Variants in RANBP2 observed in about 807,000 individuals in gnomAD.
The protein encoded by RANBP2 is E3 SUMO-protein ligase RanBP2.
A neutral mutation model predicts 303.6 loss-of-function variants in RANBP2; 57 were observed. The ratio of observed to expected loss-of-function variants is 0.19; its 90% CI spans 0.15 to 0.23. The LOEUF is 0.23. RANBP2 is among the 10% of genes least tolerant of loss of function. The pLI, the probability that RANBP2 is intolerant of heterozygous loss-of-function variation, is 1.00. For missense variants in RANBP2, 3,138 were observed against 3,780.8 expected, an observed-to-expected ratio of 0.83 and a Z score of 4.46; for synonymous variants, 1,167 against 1,301.5, an observed-to-expected ratio of 0.90 and a Z score of 2.23.
At chr2:108,811,245 C>CTTTTTTT in the RANBP2 span, among the ~76,000 whole-genome samples, 3,457 of 109,466 alleles carry the variant, frequency 0.032, 457 homozygotes, top group African/African-American at 0.11. Context: ...CTTTCTCTCT[C>CTTTTTTT]TCTTTTTTTT....
the RANBP2 span, among the ~76,000 whole-genome samples, chr2:108,809,434 A>G: frequency 6.8e-6 from 1 of 146,172 alleles, no homozygotes; most frequent in Non-Finnish European, 1.5e-5. Context: ...GTTCCAGTCC[A>G]TGAACATGAA....
At chr2:109,059,971 C>T in the RANBP2 span, among the ~76,000 whole-genome samples, 1 of 152,146 alleles carries the variant, frequency 6.6e-6, no homozygotes, top group Non-Finnish European at 1.5e-5. Flanking sequence ...CCCTTGAGCT[C>T]CCAGATTCTC....
the RANBP2 span, among the ~76,000 whole-genome samples, chr2:109,223,555 C>T: frequency 2.0e-5 from 3 of 151,720 alleles, no homozygotes; most frequent in Non-Finnish European, 2.9e-5. Flanking sequence ...GGTGTGGGCA[C>T]ATGCTTCAGC....
chr2:108,798,958 G>T, the RANBP2 span, among the ~76,000 whole-genome samples: 3 of 151,890 alleles, frequency 2.0e-5, no homozygotes, highest in African/African-American at 4.8e-5. Flanking sequence ...GACCATTAGC[G>T]CATATCAGGA....
the RANBP2 span, among the ~76,000 whole-genome samples, chr2:109,637,832 C>T: frequency 6.6e-6 from 1 of 152,154 alleles, no homozygotes; most frequent in South Asian, 2.1e-4. Context: ...TCAGTCTGAT[C>T]TCTCTTTCTT....
the RANBP2 span, chr2:109,371,533 T>A: frequency 3.3e-6 from 5 of 1,520,874 alleles, no homozygotes; most frequent in Non-Finnish European, 4.6e-6. Context: ...TGCTTCCTTT[T>A]TCATTGTGTG....
chr2:109,354,251 A>G, the RANBP2 span, among the ~76,000 whole-genome samples: 14 of 152,196 alleles, frequency 9.2e-5, no homozygotes, highest in African/African-American at 2.7e-4. Context: ...TGCCTGTGTC[A>G]GGCTGGGTCA....
chr2:109,613,928 C>G, the RANBP2 span: 32 of 1,113,328 alleles, frequency 2.9e-5, no homozygotes, highest in Admixed American at 4.9e-5. Context: ...AAGCAACGGG[C>G]GGGGCGCGAG....
the RANBP2 span, among the ~76,000 whole-genome samples, chr2:109,355,911 A>G: frequency 6.6e-6 from 1 of 152,196 alleles, no homozygotes; most frequent in Admixed American, 6.5e-5. Flanking sequence ...TAACATGAGG[A>G]CAAATCAGAG....
At chr2:109,384,310 C>T in the RANBP2 span, among the ~76,000 whole-genome samples, 1 of 152,190 alleles carries the variant, frequency 6.6e-6, no homozygotes, top group African/African-American at 2.4e-5. Context: ...ATTCTACTCT[C>T]CGTGGAGAAA....
the RANBP2 span, among the ~76,000 whole-genome samples, chr2:109,343,420 C>A: frequency 1.3e-5 from 2 of 152,074 alleles, no homozygotes; most frequent in African/African-American, 4.8e-5. Flanking sequence ...GGTTCATTCC[C>A]CCTCTTGGTT....
chr2:109,348,366 G>T, the RANBP2 span, among the ~76,000 whole-genome samples: 2 of 152,230 alleles, frequency 1.3e-5, no homozygotes, highest in Non-Finnish European at 2.9e-5. Context: ...ACCCTGGTCA[G>T]CTCACAGGGA....
chr2:109,092,808 T>C, the RANBP2 span, among the ~76,000 whole-genome samples: 1 of 152,358 alleles, frequency 6.6e-6, no homozygotes, highest in East Asian at 1.9e-4. Flanking sequence ...GTGTGACTAG[T>C]CTTAGGCTGT....
the RANBP2 span, among the ~76,000 whole-genome samples, chr2:109,537,294 G>GT: frequency 1.3e-5 from 2 of 152,082 alleles, no homozygotes; most frequent in African/African-American, 4.8e-5. Flanking sequence ...AATATTTTCT[G>GT]TATCTATGGG....
chr2:109,565,911 GATAAA>G, the RANBP2 span: 1 of 1,426,696 alleles, frequency 7.0e-7, no homozygotes, highest in Non-Finnish European at 9.9e-7. Flanking sequence ...TAACTGACTA[GATAAA>G]ATAAATTTTA....
chr2:109,613,136 G>T, the RANBP2 span: 1 of 1,281,684 alleles, frequency 7.8e-7, no homozygotes, highest in Non-Finnish European at 1.0e-6. Flanking sequence ...AAAACTCGAT[G>T]TACACGACCT....
chr2:109,256,570 G>A, the RANBP2 span, among the ~76,000 whole-genome samples: 2 of 152,166 alleles, frequency 1.3e-5, no homozygotes, highest in Non-Finnish European at 2.9e-5. Context: ...GGGCACAGAA[G>A]CCCTTTTGCT....
In RANBP2 at chr2:108,782,686, G is replaced by C; in HGVS notation, c.9193G>C (p.Val3065Leu). The stretch of plus-strand genomic sequence containing the variant: ...AGAATTATCAAAGGAGACCAATCCT[G>C]TGGTGTTTTTTGATGTTTGTGCGGA... ...AAELSKETNPVVFFDVCADGE... is the reference protein window; with the variant it reads ...AAELSKETNPLVFFDVCADGE... The change falls in exon 28 of 29, where the codon GTG becomes CTG. Residue 3065 changes from valine to leucine, a missense_variant. By Grantham distance (32) the Val-to-Leu change is conservative. Transcript: ENST00000283195. 1 of 1,614,256 alleles carries C rather than the reference G, an allele frequency of 6.2e-7. No individual in the cohort carries two copies. Among genetic ancestry groups the C allele is most frequent in the Non-Finnish European group, 8.5e-7 (1 of 1,180,046 alleles).
At chr2:109,555,910 C>G in the RANBP2 span, among the ~76,000 whole-genome samples, 9 of 152,250 alleles carry the variant, frequency 5.9e-5, no homozygotes, top group South Asian at 1.9e-3. Flanking sequence ...TAGTGACTGC[C>G]AAACTCCCCA....
Sources: gnomAD v4.1 joint callset for allele counts (sites outside exome capture counted in the v4.1 genomes callset) on GRCh38, gnomAD v4.1.1 for gene constraint, MANE v1.5 for transcripts, NCBI Gene and HGNC (gene_info 2026-07-23, HGNC 2026-07-21) for gene names.